The following FGF14 variants were observed in gnomAD, a reference collection of about 807,000 sequenced individuals.
The protein encoded by FGF14 is fibroblast growth factor 14.
Under a neutral mutation model 25.5 loss-of-function variants are expected in FGF14, and 5 were observed. The observed-to-expected ratio is 0.20, with a 90% CI of 0.10 to 0.41. The LOEUF (loss-of-function observed/expected upper bound fraction) is 0.41, where lower values mean the gene tolerates loss of function less well. FGF14 is among the 10% of genes least tolerant of loss of function. The pLI, the probability that FGF14 is intolerant of heterozygous loss-of-function variation, is 1.00. For missense variants in FGF14, 222 were observed against 320.1 expected (o/e 0.69, Z 2.34); for synonymous variants, 138 against 118.3 (o/e 1.17, Z -1.08).
chr13:101,980,175 G>A (rs76035502), intron 1 of FGF14, among the ~76,000 whole-genome samples: 3,694 of 152,284 alleles, frequency 0.024, 73 homozygotes, highest in Middle Eastern at 0.054. Flanking sequence ...ACAGATAAAT[G>A]TGCAATGAAG....
chr13:101,891,637 T>C (rs2138894536), intron 1 of FGF14, among the ~76,000 whole-genome samples: 1 of 152,284 alleles, frequency 6.6e-6, no homozygotes, highest in Non-Finnish European at 1.5e-5. Context: ...ATTAATGCAC[T>C]AATTTTATTT....
chr13:102,117,386 T>A (rs1169240291), intron 1 of FGF14, among the ~76,000 whole-genome samples: 1 of 152,154 alleles, frequency 6.6e-6, no homozygotes, highest in Non-Finnish European at 1.5e-5. Context: ...ACAAACTTCT[T>A]TGTGGTTCTA....
At chr13:102,361,603 C>A (rs1484637719) in intron 1 of FGF14, among the ~76,000 whole-genome samples, 1 of 152,126 alleles carries the variant, frequency 6.6e-6, no homozygotes, top group Non-Finnish European at 1.5e-5. Flanking sequence ...CACCGTTTGC[C>A]ACTCCCTCCT....
At chr13:102,340,844 C>A (rs1441067173) in intron 1 of FGF14, among the ~76,000 whole-genome samples, 1 of 152,138 alleles carries the variant, frequency 6.6e-6, no homozygotes, top group Non-Finnish European at 1.5e-5. Context: ...CCCAAGAAAG[C>A]AAGAATATCC....
chr13:102,040,596 AG>A (rs1283569044), intron 1 of FGF14, among the ~76,000 whole-genome samples: 7 of 152,202 alleles, frequency 4.6e-5, no homozygotes. Flanking sequence ...GCTTCTTTGT[AG>A]GATATATTGG....
chr13:102,048,849 A>G (rs769482283), intron 1 of FGF14, among the ~76,000 whole-genome samples: 31 of 152,306 alleles, frequency 2.0e-4, no homozygotes, highest in Non-Finnish European at 4.0e-4. Flanking sequence ...CTATGGAGAA[A>G]AAGAGGATTC....
chr13:102,114,172 T>C (rs1254020445), intron 1 of FGF14, among the ~76,000 whole-genome samples: 1 of 152,230 alleles, frequency 6.6e-6, no homozygotes, highest in East Asian at 1.9e-4. Flanking sequence ...ATTAGTGACA[T>C]TGGGCATTTT....
At chr13:101,774,890 T>C (rs1353186990) in intron 3 of FGF14, among the ~76,000 whole-genome samples, 1 of 135,272 alleles carries the variant, frequency 7.4e-6, no homozygotes, top group Non-Finnish European at 1.5e-5. Context: ...GTGTCTCTAC[T>C]AAAAATACAA....
At chr13:102,140,585 G>C (rs1021897726) in intron 1 of FGF14, among the ~76,000 whole-genome samples, 2 of 152,084 alleles carry the variant, frequency 1.3e-5, no homozygotes, top group East Asian at 3.9e-4. Context: ...GCTGATAAGG[G>C]GAGTGAGAAA....
At chr13:101,942,982 C>A (rs948223313) in intron 1 of FGF14, among the ~76,000 whole-genome samples, 2 of 152,168 alleles carry the variant, frequency 1.3e-5, no homozygotes, top group Admixed American at 6.5e-5. Flanking sequence ...AAAATAGAAC[C>A]CCTCTTAATC....
intron 1 of FGF14, among the ~76,000 whole-genome samples, chr13:101,911,396 C>T (rs946513215): frequency 2.0e-5 from 3 of 152,122 alleles, no homozygotes; most frequent in African/African-American, 7.2e-5. Context: ...GTAAACTCAA[C>T]TCAATCTATG....
Position 101,718,600 on chromosome 13 carries a change from T to C in FGF14, c.*4231A>G, listed in dbSNP as rs2034810050. 2 of 152,004 alleles carry C rather than the reference T, an allele frequency of 1.3e-5. No homozygotes were observed. Among genetic ancestry groups the C allele is most frequent in the African/African-American group, 4.8e-5 (2 of 41,398 alleles). The allele number at this position is 152,004 out of a possible 1,614,324, so 9.4% of individuals were successfully genotyped here. On this transcript the variant is annotated 3_prime_UTR_variant, in exon 5 of 5. Coordinates refer to ENST00000376143, the MANE Select transcript of FGF14 (RefSeq NM_004115.4). ...ACTGAGGTATTCCACCCAGAGACTT[T>C]TTCAAAAAAGTCAACTAAAGTGCTA... is the stretch of plus-strand genomic sequence containing the variant.
intron 3 of FGF14, among the ~76,000 whole-genome samples, chr13:101,823,738 A>G (rs928169089): frequency 6.7e-4 from 101 of 150,692 alleles, no homozygotes; most frequent in African/African-American, 2.4e-3. Flanking sequence ...CACCCAGCCT[A>G]TCATTATATA....
chr13:101,811,921 T>C (rs934382657), intron 3 of FGF14, among the ~76,000 whole-genome samples: 1 of 152,180 alleles, frequency 6.6e-6, no homozygotes, highest in Non-Finnish European at 1.5e-5. Flanking sequence ...GGAAGGTCTC[T>C]AACAAGTAAT....
intron 1 of FGF14, among the ~76,000 whole-genome samples, chr13:102,347,815 G>T (rs368545033): frequency 1.3e-5 from 2 of 152,124 alleles, no homozygotes; most frequent in Non-Finnish European, 2.9e-5. Context: ...GGAATCATAT[G>T]ATTCTGTTTT....
chr13:101,761,426 T>C (rs2038021460), intron 3 of FGF14, among the ~76,000 whole-genome samples: 1 of 152,168 alleles, frequency 6.6e-6, no homozygotes, highest in Non-Finnish European at 1.5e-5. Context: ...CTGCTGCCTG[T>C]CACTTGGCCA....
At chr13:102,096,365 G>C (rs2044399819) in intron 1 of FGF14, among the ~76,000 whole-genome samples, 1 of 151,848 alleles carries the variant, frequency 6.6e-6, no homozygotes, top group African/African-American at 2.4e-5. Context: ...CAATGTCCTG[G>C]TATGCCAAGG....
At chr13:101,976,758 T>C (rs2037952914) in intron 1 of FGF14, among the ~76,000 whole-genome samples, 1 of 152,188 alleles carries the variant, frequency 6.6e-6, no homozygotes. Flanking sequence ...AACAAAAATA[T>C]ATTAGTAAAG....
At chr13:102,233,085 C>T (rs2051155211) in intron 1 of FGF14, among the ~76,000 whole-genome samples, 1 of 152,082 alleles carries the variant, frequency 6.6e-6, no homozygotes, top group Non-Finnish European at 1.5e-5. Flanking sequence ...TCCCTTATGA[C>T]TCATTTTTCT....
Sources: allele counts gnomAD v4.1 joint callset (sites outside exome capture counted in the v4.1 genomes callset), GRCh38; gene constraint gnomAD v4.1.1; transcripts MANE v1.5; gene names NCBI Gene and HGNC (gene_info 2026-07-23, HGNC 2026-07-21).